The following CFAP70 variants were observed in gnomAD, a reference collection of about 807,000 sequenced individuals.
CFAP70 encodes the protein cilia- and flagella-associated protein 70.
A neutral mutation model predicts 137.6 loss-of-function variants in CFAP70; 81 were observed. The ratio of observed to expected loss-of-function variants is 0.59; its 90% CI spans 0.49 to 0.71. The LOEUF is 0.71. Among genes scored for constraint, CFAP70 ranks in the 30% least tolerant of loss-of-function variants. CFAP70 has a pLI of 0.00. For missense variants in CFAP70, 976 were observed against 1,226.7 expected (o/e 0.80, Z 3.05); for synonymous variants, 382 against 423.6 (o/e 0.90, Z 1.20).
chr10:73,310,313 A>G (rs1340449412), intron 11 of CFAP70, 64 bp from the exon 13 acceptor site: 2 of 1,091,110 alleles, frequency 1.8e-6, no homozygotes, highest in South Asian at 1.4e-5. Flanking sequence ...ATTTAGTAAC[A>G]TAAGATGATG....
chr10:73,282,711 A>AT (rs1388298944), intron 19 of CFAP70, among the ~76,000 whole-genome samples: 1 of 148,672 alleles, frequency 6.7e-6, no homozygotes, highest in Non-Finnish European at 1.5e-5. Flanking sequence ...AATAAGTTAT[A>AT]TTTTTATTTT....
exon 15 of CFAP70, chr10:73,297,078 C>T (rs145719601): frequency 1.2e-6 from 2 of 1,613,880 alleles, no homozygotes; most frequent in African/African-American, 2.7e-5. Context: ...CTACTAAGAA[C>T]ACATAGAGCT....
At chr10:73,351,067 GTGTGTATATATATATATATATATA>G (rs199582985) in intron 3 of CFAP70, among the ~76,000 whole-genome samples, 7,240 of 64,026 alleles carry the variant, frequency 0.11, 400 homozygotes, top group South Asian at 0.34. Flanking sequence ...GTGTGTGTGT[GTGTGTATATATATATATATATATA>G]TATATATATA....
chr10:73,282,857 G>C (rs532191393), intron 19 of CFAP70, among the ~76,000 whole-genome samples: 1 of 109,910 alleles, frequency 9.1e-6, no homozygotes, highest in Non-Finnish European at 1.7e-5. Context: ...TTTTGAGATA[G>C]AGTCTTGTTC....
At chr10:73,288,320 A>C (rs1306477478) in intron 19 of CFAP70, among the ~76,000 whole-genome samples, 2 of 152,192 alleles carry the variant, frequency 1.3e-5, no homozygotes, top group African/African-American at 4.8e-5. Context: ...TTCTTGGAAA[A>C]ATAAAGCTAT....
At chr10:73,255,268 C>A (rs975223285) in intron 26 of CFAP70, among the ~76,000 whole-genome samples, 1 of 151,970 alleles carries the variant, frequency 6.6e-6, no homozygotes, top group Non-Finnish European at 1.5e-5. Context: ...CAGTGGCGGG[C>A]GGCTGTAGTC....
At chr10:73,323,690 G>A (rs577634808) in intron 8 of CFAP70, among the ~76,000 whole-genome samples, 1 of 152,328 alleles carries the variant, frequency 6.6e-6, no homozygotes, top group East Asian at 1.9e-4. Flanking sequence ...CACCTGGCTT[G>A]GAGGGTCCTA....
rs189029411 is a variant in CFAP70, at chr10:73,305,390, C to T, written c.1256+4768G>A. 5.3e-5 allele frequency among the ~76,000 whole-genome samples: 8 copies of T among 152,288 alleles called. No homozygotes were observed. The East Asian group carries it at 1.5e-3, about 29-fold the overall frequency. On this transcript the variant is annotated intron_variant, in intron 12 of 26. Coordinates refer to ENST00000310715, the Ensembl canonical transcript of CFAP70. The stretch of plus-strand genomic sequence containing the variant: ...GAGCATTCAAAAGTACTTGTGTGTA[C>T]TGGGAAATTCAGAAAGCCACATGTA...
chr10:73,345,310 T>G, intron 4 of CFAP70, 66 bp from the exon 6 acceptor site: 1 of 1,361,548 alleles, frequency 7.3e-7, no homozygotes, highest in Non-Finnish European at 1.0e-6. Context: ...TTGCATTATC[T>G]CATTTGAATC....
intron 9 of CFAP70, among the ~76,000 whole-genome samples, chr10:73,321,569 A>G (rs1014611105): frequency 1.3e-5 from 2 of 152,160 alleles, no homozygotes; most frequent in African/African-American, 4.8e-5. Context: ...CAGTGACATA[A>G]TAATAGATTT....
chr10:73,331,869 T>C (rs1167957799), intron 7 of CFAP70, among the ~76,000 whole-genome samples: 7 of 152,224 alleles, frequency 4.6e-5, no homozygotes, highest in Non-Finnish European at 1.0e-4. Context: ...TCTAGTGATT[T>C]ATTCTAAAGA....
intron 19 of CFAP70, among the ~76,000 whole-genome samples, chr10:73,286,642 A>C (rs2047736970): frequency 6.6e-6 from 1 of 152,206 alleles, no homozygotes; most frequent in Non-Finnish European, 1.5e-5. Flanking sequence ...ATAGTTGCCA[A>C]GGCCAGCTCG....
chr10:73,309,074 G>A (rs2049672749), intron 12 of CFAP70, among the ~76,000 whole-genome samples: 1 of 152,058 alleles, frequency 6.6e-6, no homozygotes, highest in Non-Finnish European at 1.5e-5. Flanking sequence ...AAAAATAATG[G>A]AGAAAATCAA....
chr10:73,338,620 G>A (rs983298952), intron 6 of CFAP70, among the ~76,000 whole-genome samples: 1 of 148,710 alleles, frequency 6.7e-6, no homozygotes, highest in Non-Finnish European at 1.5e-5. Context: ...TAGTAGAGAT[G>A]GGGTTTCACC....
intron 3 of CFAP70, among the ~76,000 whole-genome samples, chr10:73,350,692 A>AT (rs2054120743): frequency 6.6e-6 from 1 of 152,000 alleles, no homozygotes; most frequent in East Asian, 1.9e-4. Context: ...TTTTAATTCC[A>AT]TGATTTCTTA....
intron 12 of CFAP70, among the ~76,000 whole-genome samples, chr10:73,302,567 A>G (rs973964666): frequency 2.0e-5 from 3 of 152,238 alleles, no homozygotes; most frequent in Non-Finnish European, 4.4e-5. Flanking sequence ...AATTTTACCC[A>G]GTTTATACTC....
At chr10:73,354,859 G>A in intron 1 of CFAP70, 24 bp from the exon 2 acceptor site, 1 of 1,384,496 alleles carries the variant, frequency 7.2e-7, no homozygotes, top group Non-Finnish European at 1.0e-6. Flanking sequence ...GAATCAACCT[G>A]TCCCCTCATG....
intron 7 of CFAP70, among the ~76,000 whole-genome samples, chr10:73,334,797 C>G (rs1006271994): frequency 6.6e-6 from 1 of 151,494 alleles, no homozygotes; most frequent in Admixed American, 6.6e-5. Context: ...CCAGGATGGT[C>G]TCAATCTCTT....
chr10:73,267,626 G>A (rs1381760394), intron 25 of CFAP70, among the ~76,000 whole-genome samples: 3 of 152,060 alleles, frequency 2.0e-5, no homozygotes, highest in Non-Finnish European at 4.4e-5. Flanking sequence ...TCTACTATAA[G>A]GCCTAATTTT....
Sources: allele counts gnomAD v4.1 joint callset (sites outside exome capture counted in the v4.1 genomes callset), GRCh38; gene constraint gnomAD v4.1.1; transcripts MANE v1.5; gene names NCBI Gene and HGNC (gene_info 2026-07-23, HGNC 2026-07-21).